KHDRBS2: variants seen among roughly 807,000 people sequenced by gnomAD.
KHDRBS2 encodes the protein KH domain-containing, RNA-binding, signal transduction-associated protein 2.
KHDRBS2 carries 26 observed loss-of-function variants against 44.3 expected under a neutral mutation model. The ratio of observed to expected loss-of-function variants is 0.59; its 90% CI spans 0.43 to 0.81. The LOEUF is 0.81. KHDRBS2 is among the 40% of genes least tolerant of loss of function. KHDRBS2 has a pLI of 0.00. For synonymous variants in KHDRBS2, 194 were observed against 151.1 expected, an observed-to-expected ratio of 1.28 and a Z score of -2.08; for missense variants, 476 against 433.1, an observed-to-expected ratio of 1.10 and a Z score of -0.88.
intron 6 of KHDRBS2, among the ~76,000 whole-genome samples, chr6:61,853,471 G>T (rs1461173911): frequency 6.6e-6 from 1 of 152,090 alleles, no homozygotes; most frequent in African/African-American, 2.4e-5. Flanking sequence ...AGACTAGAAG[G>T]AAATGTACTA....
chr6:62,216,907 G>A (rs897388372), intron 1 of KHDRBS2, among the ~76,000 whole-genome samples: 3 of 150,556 alleles, frequency 2.0e-5, no homozygotes, highest in Non-Finnish European at 4.4e-5. Context: ...ATTAAAATCA[G>A]GGACTCAACA....
intron 4 of KHDRBS2, among the ~76,000 whole-genome samples, chr6:61,949,780 T>C (rs1296469676): frequency 6.6e-6 from 1 of 152,096 alleles, no homozygotes; most frequent in African/African-American, 2.4e-5. Flanking sequence ...AATTTATTTA[T>C]ATTATCAGGA....
chr6:61,543,049 G>A, the KHDRBS2 span, among the ~76,000 whole-genome samples: 5 of 151,874 alleles, frequency 3.3e-5, no homozygotes, highest in Non-Finnish European at 7.4e-5. Flanking sequence ...AACATTGGCT[G>A]TGGCAAAGAT....
the KHDRBS2 span, among the ~76,000 whole-genome samples, chr6:61,547,060 G>T: frequency 2.6e-5 from 4 of 151,948 alleles, no homozygotes; most frequent in Non-Finnish European, 5.9e-5. Flanking sequence ...ATTTAGATAG[G>T]CCAATGAACC....
At chr6:62,131,920 T>C (rs1175175507) in intron 2 of KHDRBS2, among the ~76,000 whole-genome samples, 1 of 152,206 alleles carries the variant, frequency 6.6e-6, no homozygotes, top group African/African-American at 2.4e-5. Flanking sequence ...GTTCTAACAA[T>C]ATAAATAACA....
At chr6:61,620,401 T>G in the KHDRBS2 span, among the ~76,000 whole-genome samples, 1 of 152,230 alleles carries the variant, frequency 6.6e-6, no homozygotes, top group Non-Finnish European at 1.5e-5. Context: ...GTTCCTTTGC[T>G]GAGCCAGAGA....
rs1293454597 is a variant in KHDRBS2, at chr6:61,697,338, T to C, written c.894-85A>G. 7 of 817,632 alleles carry C rather than the reference T, an allele frequency of 8.6e-6. No homozygotes were observed. In the Admixed American group the frequency reaches 1.2e-4, roughly 14 times the overall value. The allele number at this position is 817,632 out of a possible 1,614,324, so 50.6% of individuals were successfully genotyped here. ...TCATATGGAATTTGAAGGCAAAATG[T>C]GTGCTGAGGTAATATTCCAGGAACT... On this transcript the variant is annotated intron_variant, in intron 7 of 8. Coordinates refer to ENST00000281156, the MANE Select transcript of KHDRBS2 (RefSeq NM_152688.4).
At chr6:61,828,943 C>T (rs1189322999) in intron 6 of KHDRBS2, among the ~76,000 whole-genome samples, 4 of 152,190 alleles carry the variant, frequency 2.6e-5, no homozygotes, top group Non-Finnish European at 2.9e-5. Context: ...CATTAGTATA[C>T]AGTGGGTTAG....
chr6:61,662,014 T>C, the KHDRBS2 span, among the ~76,000 whole-genome samples: 1 of 151,992 alleles, frequency 6.6e-6, no homozygotes, highest in East Asian at 1.9e-4. Context: ...AATGCTACAG[T>C]AACCAAAACA....
chr6:61,891,710 C>T (rs1214816862), intron 6 of KHDRBS2, among the ~76,000 whole-genome samples: 1 of 152,138 alleles, frequency 6.6e-6, no homozygotes, highest in African/African-American at 2.4e-5. Context: ...ACACTTTACG[C>T]TAAAAACTCT....
At chr6:61,761,625 A>G (rs1362256616) in intron 6 of KHDRBS2, among the ~76,000 whole-genome samples, 1 of 152,186 alleles carries the variant, frequency 6.6e-6, no homozygotes, top group African/African-American at 2.4e-5. Context: ...ACTAATGGAA[A>G]TTATTTCAAA....
chr6:61,679,266 C>G (rs536792920), downstream of KHDRBS2, among the ~76,000 whole-genome samples: 2 of 151,834 alleles, frequency 1.3e-5, no homozygotes, highest in Non-Finnish European at 2.9e-5. Context: ...TTGAAGTTAG[C>G]AAGAGTTGCA....
At chr6:61,671,365 T>C in the KHDRBS2 span, among the ~76,000 whole-genome samples, 2 of 151,582 alleles carry the variant, frequency 1.3e-5, no homozygotes, top group East Asian at 3.9e-4. Context: ...TCATTCTGTA[T>C]TTTTTTGTGT....
intron 2 of KHDRBS2, among the ~76,000 whole-genome samples, chr6:62,165,261 A>ATTTC (rs1818432998): frequency 1.3e-5 from 2 of 149,678 alleles, no homozygotes; most frequent in African/African-American, 4.9e-5. Context: ...TTATTTATTT[A>ATTTC]TTTATTTATT....
intron 2 of KHDRBS2, among the ~76,000 whole-genome samples, chr6:62,134,229 C>T (rs1421564726): frequency 6.6e-6 from 1 of 152,080 alleles, no homozygotes; most frequent in African/African-American, 2.4e-5. Context: ...GGACTTGGTG[C>T]CCTGGGTCTC....
intron 6 of KHDRBS2, among the ~76,000 whole-genome samples, chr6:61,795,986 TA>T (rs1785296567): frequency 6.6e-6 from 1 of 152,150 alleles, no homozygotes; most frequent in African/African-American, 2.4e-5. Context: ...GAGGATGGAA[TA>T]AAACAGAATG....
intron 8 of KHDRBS2, 111 bp downstream of exon 8, chr6:61,697,084 T>A: frequency 2.6e-6 from 2 of 769,800 alleles, no homozygotes; most frequent in Admixed American, 2.0e-5. Context: ...ATGAATCAAT[T>A]TAGTCTAGAC....
At chr6:62,110,037 ATCT>A (rs2127382254) in intron 2 of KHDRBS2, among the ~76,000 whole-genome samples, 1 of 152,088 alleles carries the variant, frequency 6.6e-6, no homozygotes, top group African/African-American at 2.4e-5. Context: ...TGATAAATTG[ATCT>A]TCATCAAAAT....
At chr6:61,568,608 A>G in the KHDRBS2 span, among the ~76,000 whole-genome samples, 1 of 127,236 alleles carries the variant, frequency 7.9e-6, no homozygotes, top group East Asian at 2.4e-4. Context: ...GAGAGTGGGA[A>G]ACCTGACTTT....
Sources: gnomAD v4.1 joint callset for allele counts (sites outside exome capture counted in the v4.1 genomes callset) on GRCh38, gnomAD v4.1.1 for gene constraint, MANE v1.5 for transcripts, NCBI Gene and HGNC (gene_info 2026-07-23, HGNC 2026-07-21) for gene names.